Variants in EVA1C observed in about 807,000 individuals in gnomAD.
EVA1C encodes eva-1 homolog C, also known as protein eva-1 homolog C.
In EVA1C, 25 loss-of-function variants were observed where a neutral mutation model predicts 45.4. That is an observed-to-expected ratio of 0.55 (90% CI 0.40 to 0.77). The LOEUF (loss-of-function observed/expected upper bound fraction) is 0.77. EVA1C is among the 30% of genes least tolerant of loss of function. The probability of loss-of-function intolerance (pLI) is 0.00; values close to 1 mark genes in which losing one functional copy is unlikely to be tolerated. For synonymous variants in EVA1C, 190 were observed against 221.2 expected (o/e 0.86, Z 1.25); for missense variants, 479 against 554.8 (o/e 0.86, Z 1.37).
chr21:32,491,745 G>A (rs1459443004), intron 4 of EVA1C, among the ~76,000 whole-genome samples: 3 of 146,832 alleles, frequency 2.0e-5, no homozygotes, highest in Non-Finnish European at 3.0e-5. Flanking sequence ...TTGAAGGGAA[G>A]AAAATGGAGG....
intron 5 of EVA1C, 79 bp downstream of exon 5, chr21:32,495,249 G>C: frequency 2.0e-6 from 3 of 1,515,840 alleles, no homozygotes; most frequent in Non-Finnish European, 2.7e-6. Flanking sequence ...AACGGCAGGA[G>C]TTTGCCCAGA....
At chr21:32,436,018 C>T (rs899806537) in intron 1 of EVA1C, among the ~76,000 whole-genome samples, 6 of 152,204 alleles carry the variant, frequency 3.9e-5, no homozygotes, top group African/African-American at 1.2e-4. Flanking sequence ...AACAGTGAGA[C>T]GTTGCAGGAA....
chr21:32,452,444 G>C lies in EVA1C; in HGVS notation c.161-868G>C, dbSNP rs2035616542. The C allele has an allele frequency of 6.6e-6, 1 of 152,204 alleles. No individual in the cohort carries two copies. The highest frequency in any genetic ancestry group is 2.1e-4 in the South Asian group (1 of 4,830). The allele number at this position is 152,204 out of a possible 1,614,324, so 9.4% of individuals were successfully genotyped here. On this transcript the variant is annotated intron_variant, in intron 1 of 7. Transcript: ENST00000300255. The surrounding 1 kb of genome is among the most constrained non-coding windows in gnomAD (Gnocchi z 4.0). ...GGACAGGTCGTGGGGAGCGTTTTTG[G>C]GCTCCGACCCCACAGCAGCTTGTAG...
intron 4 of EVA1C, among the ~76,000 whole-genome samples, chr21:32,471,324 CTTTTTTCTTTT>C (rs1015200435): frequency 1.7e-5 from 2 of 117,550 alleles, no homozygotes; most frequent in African/African-American, 7.6e-5. Context: ...TCCTTTTTTT[CTTTTTTCTTTT>C]TTTTTTTTTG....
At chr21:32,503,272 G>C (rs1471275708) in intron 6 of EVA1C, among the ~76,000 whole-genome samples, 12 of 152,248 alleles carry the variant, frequency 7.9e-5, no homozygotes, top group Admixed American at 6.5e-5. Flanking sequence ...TTGGCCGGGA[G>C]CAGTGGCTCA....
chr21:32,473,268 T>G (rs2036441349), intron 4 of EVA1C, among the ~76,000 whole-genome samples: 1 of 152,198 alleles, frequency 6.6e-6, no homozygotes, highest in Non-Finnish European at 1.5e-5. Flanking sequence ...GTGTGTTCAG[T>G]TGGATGCTGT....
At chr21:32,513,540 A>G (rs375575987) in intron 7 of EVA1C, among the ~76,000 whole-genome samples, 1 of 116,770 alleles carries the variant, frequency 8.6e-6, no homozygotes, top group African/African-American at 3.5e-5. Flanking sequence ...TTATTTTAAT[A>G]TTTTTCTTTT....
At chr21:32,490,121 C>A (rs1166248913) in intron 4 of EVA1C, among the ~76,000 whole-genome samples, 3 of 152,070 alleles carry the variant, frequency 2.0e-5, no homozygotes, top group Admixed American at 6.6e-5. Flanking sequence ...TTGACCATTT[C>A]TAAGTGTACA....
At chr21:32,457,063 A>AT (rs1464103206) in intron 2 of EVA1C, among the ~76,000 whole-genome samples, 5 of 152,010 alleles carry the variant, frequency 3.3e-5, no homozygotes, top group African/African-American at 1.2e-4. Flanking sequence ...TGTAATTTTT[A>AT]TTTTTTGGCC....
At chr21:32,414,264 G>T (rs2033949717) in intron 1 of EVA1C, among the ~76,000 whole-genome samples, 1 of 152,182 alleles carries the variant, frequency 6.6e-6, no homozygotes, top group African/African-American at 2.4e-5. Context: ...TGTGGTAAGA[G>T]TTGTGGGGAA....
intron 1 of EVA1C, among the ~76,000 whole-genome samples, chr21:32,438,013 G>C (rs2146194327): frequency 6.6e-6 from 1 of 152,212 alleles, no homozygotes; most frequent in East Asian, 1.9e-4. Context: ...GTCTATCAAG[G>C]AGGAGCAGCT....
At chr21:32,485,987 G>GT (rs2036960309) in intron 4 of EVA1C, among the ~76,000 whole-genome samples, 1 of 152,204 alleles carries the variant, frequency 6.6e-6, no homozygotes, top group Non-Finnish European at 1.5e-5. Flanking sequence ...ACCTTGTAAG[G>GT]TTTCGGCATA....
chr21:32,466,078 A>T (rs916054250), intron 3 of EVA1C, among the ~76,000 whole-genome samples: 14 of 150,994 alleles, frequency 9.3e-5, no homozygotes, highest in Admixed American at 6.7e-4. Context: ...GTGGAATCAT[A>T]CCTACGCAGT....
chr21:32,482,216 C>A (rs2036813433), intron 4 of EVA1C, among the ~76,000 whole-genome samples: 1 of 152,212 alleles, frequency 6.6e-6, no homozygotes, highest in Non-Finnish European at 1.5e-5. Context: ...CACAGATGGT[C>A]TTCCGGGACC....
intron 4 of EVA1C, among the ~76,000 whole-genome samples, chr21:32,487,034 C>T (rs1225240644): frequency 2.0e-5 from 3 of 152,178 alleles, no homozygotes; most frequent in Non-Finnish European, 2.9e-5. Context: ...GTTATAAGTG[C>T]AATCAGAACA....
At chr21:32,501,984 T>TTTTCTTTCTC (rs2037546723) in intron 6 of EVA1C, among the ~76,000 whole-genome samples, 6 of 120,438 alleles carry the variant, frequency 5.0e-5, no homozygotes, top group African/African-American at 1.9e-4. Context: ...TCTCTCGCTC[T>TTTTCTTTCTC]TTTCTTTCTT....
intron 4 of EVA1C, among the ~76,000 whole-genome samples, chr21:32,485,055 C>T (rs868367303): frequency 6.6e-5 from 10 of 152,324 alleles, no homozygotes; most frequent in Middle Eastern, 3.4e-3. Context: ...ACATATTAGA[C>T]GCATGCGTCT....
At chr21:32,418,037 T>C (rs902493000) in intron 1 of EVA1C, among the ~76,000 whole-genome samples, 1 of 152,076 alleles carries the variant, frequency 6.6e-6, no homozygotes, top group South Asian at 2.1e-4. Flanking sequence ...CTTCACCCCC[T>C]ACCCTAGGGC....
At chr21:32,415,987 C>T (rs1173884470) in intron 1 of EVA1C, among the ~76,000 whole-genome samples, 1 of 152,148 alleles carries the variant, frequency 6.6e-6, no homozygotes, top group Non-Finnish European at 1.5e-5. Flanking sequence ...ACTTAAAAAA[C>T]AAAACAAACC....
Sources: allele counts gnomAD v4.1 joint callset (sites outside exome capture counted in the v4.1 genomes callset), GRCh38; gene constraint gnomAD v4.1.1; non-coding constraint Gnocchi (gnomAD v3.1); transcripts MANE v1.5; gene names NCBI Gene and HGNC (gene_info 2026-07-23, HGNC 2026-07-21).